GRIK4: variants seen among roughly 807,000 people sequenced by gnomAD.
GRIK4 encodes the protein glutamate receptor ionotropic, kainate 4.
GRIK4 carries 40 observed loss-of-function variants against 104.9 expected under a neutral mutation model. That is an observed-to-expected ratio of 0.38 (90% CI 0.30 to 0.50). The LOEUF is 0.50. Ranked by LOEUF, GRIK4 falls within the 20% of genes least tolerant of loss-of-function variation. The pLI, the probability that GRIK4 is intolerant of heterozygous loss-of-function variation, is 0.93. For synonymous variants in GRIK4, 485 were observed against 524.9 expected, an observed-to-expected ratio of 0.92 and a Z score of 1.04; for missense variants, 1,047 against 1,308.1, an observed-to-expected ratio of 0.80 and a Z score of 3.08.
chr11:120,731,530 T>G (rs1394238229), intron 3 of GRIK4, among the ~76,000 whole-genome samples: 2 of 152,184 alleles, frequency 1.3e-5, no homozygotes, highest in Non-Finnish European at 2.9e-5. Flanking sequence ...TAGTTTTCTA[T>G]TTTTGATATG....
At chr11:120,584,390 G>T (rs1364565978) in intron 1 of GRIK4, among the ~76,000 whole-genome samples, 2 of 152,314 alleles carry the variant, frequency 1.3e-5, no homozygotes, top group South Asian at 4.1e-4. Flanking sequence ...TTTACAGGAA[G>T]CATGGTGCTG....
At chr11:120,867,783 A>G (rs1240882171) in intron 9 of GRIK4, 1 of 151,936 alleles carries the variant, frequency 6.6e-6, no homozygotes, top group African/African-American at 2.4e-5. Context: ...AGACAATGCA[A>G]GCAGAAGAAG....
intron 1 of GRIK4, among the ~76,000 whole-genome samples, chr11:120,544,245 C>T (rs528261741): frequency 6.6e-6 from 1 of 152,218 alleles, no homozygotes; most frequent in South Asian, 2.1e-4. Flanking sequence ...TATACTTGTC[C>T]CCAAACTCAT....
chr11:120,811,949 C>T (rs984678763), intron 4 of GRIK4, among the ~76,000 whole-genome samples: 7 of 152,144 alleles, frequency 4.6e-5, no homozygotes, highest in African/African-American at 1.7e-4. Context: ...GTATGGAGGA[C>T]ACAGACATAA....
At chr11:120,705,756 G>A (rs928469826) in intron 3 of GRIK4, among the ~76,000 whole-genome samples, 1 of 152,048 alleles carries the variant, frequency 6.6e-6, no homozygotes, top group Non-Finnish European at 1.5e-5. Flanking sequence ...TAGGTATTTT[G>A]TTCTTTTTAA....
At chr11:120,983,897 A>G (rs572651987) in intron 20 of GRIK4, among the ~76,000 whole-genome samples, 4 of 152,230 alleles carry the variant, frequency 2.6e-5, no homozygotes, top group Non-Finnish European at 5.9e-5. Flanking sequence ...GTATTGTCAC[A>G]TGTAATAGAT....
chr11:120,930,176 A>G (rs1360266847), intron 13 of GRIK4, among the ~76,000 whole-genome samples: 2 of 152,200 alleles, frequency 1.3e-5, no homozygotes, highest in Non-Finnish European at 2.9e-5. Flanking sequence ...TTCATGTCCT[A>G]GCTGCGTGTA....
chr11:120,646,114 A>T (rs554339235), intron 1 of GRIK4, among the ~76,000 whole-genome samples: 1 of 152,354 alleles, frequency 6.6e-6, no homozygotes, highest in Admixed American at 6.5e-5. Context: ...AAAATCATCC[A>T]CACTAATGGA....
intron 18 of GRIK4, among the ~76,000 whole-genome samples, chr11:120,963,603 TG>T (rs983319018): frequency 2.6e-5 from 4 of 152,198 alleles, no homozygotes; most frequent in Non-Finnish European, 5.9e-5. Context: ...CATCAGACTC[TG>T]GGAGAAAATT....
At chr11:120,874,247 T>G in intron 10 of GRIK4, 29 bp downstream of exon 10, 1 of 1,590,240 alleles carries the variant, frequency 6.3e-7, no homozygotes. Flanking sequence ...CCTGCAGGGC[T>G]GTGCCCAGGC....
chr11:120,722,587 C>A (rs1426470960), intron 3 of GRIK4, among the ~76,000 whole-genome samples: 2 of 151,330 alleles, frequency 1.3e-5, no homozygotes, highest in Non-Finnish European at 2.9e-5. Flanking sequence ...CAGCCTCCAG[C>A]CTGCGTGACA....
intron 1 of GRIK4, among the ~76,000 whole-genome samples, chr11:120,610,735 G>A (rs1949026443): frequency 6.6e-6 from 1 of 152,204 alleles, no homozygotes; most frequent in African/African-American, 2.4e-5. Flanking sequence ...GGAGGATGCA[G>A]GAAATAGGAA....
chr11:120,791,734 A>G (rs1209516175), intron 3 of GRIK4, among the ~76,000 whole-genome samples: 1 of 152,120 alleles, frequency 6.6e-6, no homozygotes, highest in Non-Finnish European at 1.5e-5. Flanking sequence ...CGTTATGTCT[A>G]TGGTCCATTT....
chr11:120,900,965 C>T (rs1459512620), intron 12 of GRIK4, among the ~76,000 whole-genome samples: 3 of 152,126 alleles, frequency 2.0e-5, no homozygotes, highest in East Asian at 3.8e-4. Flanking sequence ...ACCTCCTTCC[C>T]GCTGTCTTCT....
intron 1 of GRIK4, among the ~76,000 whole-genome samples, chr11:120,614,941 G>A (rs1020182217): frequency 1.3e-5 from 2 of 152,240 alleles, no homozygotes; most frequent in African/African-American, 4.8e-5. Context: ...GGAGCTTGCA[G>A]TGAGCTGAGA....
chr11:120,910,948 A>G (rs2134528386), intron 13 of GRIK4, among the ~76,000 whole-genome samples: 1 of 152,314 alleles, frequency 6.6e-6, no homozygotes, highest in South Asian at 2.1e-4. Flanking sequence ...CATGCCAGTG[A>G]GGAGAGAGTA....
At position 120,668,405 on chromosome 11, in the gene GRIK4, GAAAAC is replaced by G. The variant is rs1321148979; in HGVS notation, c.82+8010_82+8014del. Among the ~76,000 whole-genome samples the G allele has an allele frequency of 8.6e-5, 13 of 151,858 alleles. No individual in the cohort carries two copies. In the South Asian group the frequency reaches 2.3e-3, roughly 27 times the overall value. Reference sequence around the variant, plus strand: ...GAAAAAGAAAGGAAGAAAAAGAAAAGAAAACAAAAAGGAAAGAAAAGAAATGAAAA... The same window carrying G: ...GAAAAAGAAAGGAAGAAAAAGAAAAGAAAAAGGAAAGAAAAGAAATGAAAA... On this transcript the variant is annotated intron_variant, in intron 3 of 20. Transcript: ENST00000527524.
intron 1 of GRIK4, among the ~76,000 whole-genome samples, chr11:120,600,965 G>A (rs1367861326): frequency 2.0e-5 from 3 of 152,134 alleles, no homozygotes; most frequent in Admixed American, 6.5e-5. Flanking sequence ...CTGAGTGGGA[G>A]GATCACTTGA....
chr11:120,731,885 A>T (rs2852228), intron 3 of GRIK4, among the ~76,000 whole-genome samples: 109,993 of 152,018 alleles, frequency 0.72, 40,155 homozygotes, highest in Middle Eastern at 0.82. Flanking sequence ...GAATTTCTGC[A>T]GTGTCAGTTG....
Sources: gnomAD v4.1 joint callset for allele counts (sites outside exome capture counted in the v4.1 genomes callset) on GRCh38, gnomAD v4.1.1 for gene constraint, MANE v1.5 for transcripts, NCBI Gene and HGNC (gene_info 2026-07-23, HGNC 2026-07-21) for gene names.